Variants in LARP4 observed in about 807,000 individuals in gnomAD.
The protein encoded by LARP4 is La ribonucleoprotein 4, also known as la-related protein 4.
LARP4 carries 29 observed loss-of-function variants against 92.9 expected under a neutral mutation model. That is an observed-to-expected ratio of 0.31 (90% confidence interval 0.23 to 0.43). LARP4 has a LOEUF of 0.43. Ranked by LOEUF, LARP4 falls within the 20% of genes least tolerant of loss-of-function variation. The probability of loss-of-function intolerance (pLI) is 1.00; values close to 1 mark genes in which losing one functional copy is unlikely to be tolerated. For synonymous variants in LARP4, 279 were observed against 284.1 expected (o/e 0.98, Z 0.18); for missense variants, 732 against 860.0 (o/e 0.85, Z 1.86).
At chr12:50,434,680 T>C (rs1007650206) in intron 4 of LARP4, among the ~76,000 whole-genome samples, 3 of 151,854 alleles carry the variant, frequency 2.0e-5, no homozygotes, top group Non-Finnish European at 4.4e-5. Context: ...GTGCTAGGAT[T>C]ACAGGCATGA....
chr12:50,403,782 A>G (rs1944302063), intron 1 of LARP4, among the ~76,000 whole-genome samples: 1 of 152,214 alleles, frequency 6.6e-6, no homozygotes, highest in Non-Finnish European at 1.5e-5. Context: ...TCAGTAGGAT[A>G]GATAATAGCA....
chr12:50,462,903 G>A (rs1449814006), intron 12 of LARP4, among the ~76,000 whole-genome samples: 1 of 152,010 alleles, frequency 6.6e-6, no homozygotes, highest in Non-Finnish European at 1.5e-5. Context: ...ATAAAAACAC[G>A]AAGTCTTTCT....
intron 1 of LARP4, among the ~76,000 whole-genome samples, chr12:50,411,131 A>C (rs1179958606): frequency 6.6e-6 from 1 of 151,086 alleles, no homozygotes; most frequent in Non-Finnish European, 1.5e-5. Context: ...TACAGTAGAA[A>C]CTCTACCCCT....
At chr12:50,473,068 C>T (rs2139153344) in intron 13 of LARP4, among the ~76,000 whole-genome samples, 1 of 152,306 alleles carries the variant, frequency 6.6e-6, no homozygotes, top group Admixed American at 6.5e-5. Flanking sequence ...GATCCACCCG[C>T]CTCAGCCTCC....
rs1957511125 is a variant in LARP4, at chr12:50,476,075, A to T, written c.*211A>T. The stretch of plus-strand genomic sequence containing the variant: ...ATGCTGGAGGATTCCAATCAATATA[A>T]ATATATATATATATATACACACACA... On this transcript the variant is annotated 3_prime_UTR_variant, in exon 16 of 16. Coordinates refer to ENST00000398473, the MANE Select transcript of LARP4 (RefSeq NM_052879.5). 5 of 288,018 alleles carry T rather than the reference A, an allele frequency of 1.7e-5. No individual in the cohort carries two copies. The highest frequency in any genetic ancestry group is 2.2e-5 in the African/African-American group (1 of 45,634). 17.8% of individuals were successfully genotyped at this position (288,018 alleles called of 1,614,324 possible). A position where few individuals can be genotyped will look rare whatever the true frequency, so the allele number is the denominator to read the frequency against.
chr12:50,454,087 C>T (rs1168122609), intron 9 of LARP4, among the ~76,000 whole-genome samples: 1 of 152,122 alleles, frequency 6.6e-6, no homozygotes, highest in Non-Finnish European at 1.5e-5. Context: ...ATTTTAAATG[C>T]ATTTTAGTGT....
At position 50,477,295 on chromosome 12, in the gene LARP4, C is replaced by T. The variant is rs149429379; in HGVS notation, c.*1431C>T. 11 of 152,396 alleles carry T rather than the reference C, an allele frequency of 7.2e-5. No homozygotes were observed. Among genetic ancestry groups the T allele is most frequent in the East Asian group, 3.9e-4 (2 of 5,188 alleles). The allele number at this position is 152,396 out of a possible 1,614,324, so 9.4% of individuals were successfully genotyped here. Reference sequence around the variant, plus strand: ...AGAAAATGACTAAAATATTAAAAACCGTGTTGTGTTAATCTGTTTTAAGTC... The same window carrying T: ...AGAAAATGACTAAAATATTAAAAACTGTGTTGTGTTAATCTGTTTTAAGTC... On this transcript the variant is annotated 3_prime_UTR_variant, in exon 16 of 16. Coordinates refer to ENST00000398473, the MANE Select transcript of LARP4 (RefSeq NM_052879.5).
At chr12:50,457,152 T>A (rs1283963351) in intron 10 of LARP4, among the ~76,000 whole-genome samples, 1 of 151,678 alleles carries the variant, frequency 6.6e-6, no homozygotes, top group South Asian at 2.1e-4. Flanking sequence ...TCCACCCAGC[T>A]TGGCCTCCCA....
At chr12:50,434,696 C>T (rs1245429871) in intron 4 of LARP4, among the ~76,000 whole-genome samples, 6 of 151,720 alleles carry the variant, frequency 4.0e-5, no homozygotes, top group East Asian at 3.9e-4. Context: ...CATGAGCCAC[C>T]GCACCCAGCC....
At chr12:50,408,044 A>G (rs1002299671) in intron 1 of LARP4, among the ~76,000 whole-genome samples, 5 of 152,160 alleles carry the variant, frequency 3.3e-5, no homozygotes, top group Non-Finnish European at 7.3e-5. Context: ...GACGGGCTCT[A>G]AACCAAAGAC....
intron 1 of LARP4, among the ~76,000 whole-genome samples, chr12:50,422,662 G>A (rs889606249): frequency 4.0e-5 from 6 of 151,396 alleles, no homozygotes; most frequent in Non-Finnish European, 8.8e-5. Context: ...GTTTAAACAG[G>A]GTTATTTGCA....
intron 1 of LARP4, among the ~76,000 whole-genome samples, chr12:50,416,137 G>T (rs1183901797): frequency 6.6e-6 from 1 of 152,200 alleles, no homozygotes; most frequent in African/African-American, 2.4e-5. Context: ...TGGCAGCAGG[G>T]TTGGTCAGCT....
In LARP4 at chr12:50,476,775, C is replaced by T. The variant is rs758676615; in HGVS notation, c.*911C>T. 2 of 152,528 alleles carry T rather than the reference C, an allele frequency of 1.3e-5. No individual in the cohort carries two copies. The highest frequency in any genetic ancestry group is 2.9e-5 in the Non-Finnish European group (2 of 68,018). The allele number at this position is 152,528 out of a possible 1,614,324, so 9.4% of individuals were successfully genotyped here. ...CTTTGACTGCCCACCCACAGAAAAG[C>T]AAAATAACCAACTACCTACTCAATT... On this transcript the variant is annotated 3_prime_UTR_variant, in exon 16 of 16. Coordinates refer to ENST00000398473, the MANE Select transcript of LARP4 (RefSeq NM_052879.5).
intron 8 of LARP4, among the ~76,000 whole-genome samples, chr12:50,446,950 A>G (rs1368373345): frequency 6.6e-6 from 1 of 152,150 alleles, no homozygotes; most frequent in Non-Finnish European, 1.5e-5. Context: ...TTCCTGGCCT[A>G]TGGCTGTAAG....
chr12:50,423,336 C>T (rs895531685), intron 1 of LARP4, among the ~76,000 whole-genome samples: 40 of 152,134 alleles, frequency 2.6e-4, no homozygotes, highest in African/African-American at 7.5e-4. Flanking sequence ...CATTTAACTT[C>T]ACTTACACAG....
Position 50,401,017 on chromosome 12 carries a change from C to T in LARP4, c.7C>T (p.Leu3Phe). 6.2e-7 allele frequency: 1 copy of T among 1,614,148 alleles called. No homozygotes were observed. The highest frequency in any genetic ancestry group is 8.5e-7 in the Non-Finnish European group (1 of 1,180,018). ML[L>F]FVEQVASKGT... ...GGGCTGAGCAGAGGACGACATGTTG[C>T]TTTTCGTGGAGGTGAGTGCATTATG... Residue 3 changes from leucine to phenylalanine, a missense_variant, in exon 1 of 16, where the codon CTT (leucine) becomes TTT (phenylalanine). Leu to Phe is a conservative substitution (Grantham distance 22). This residue lies in a region of LARP4 where 236 missense variants were observed against 307.6 expected (regional missense o/e 0.77). Transcript: ENST00000398473.
In LARP4 at chr12:50,401,010, C is replaced by A; in HGVS notation, c.-1C>A. On this transcript the variant is annotated 5_prime_UTR_variant, in exon 1 of 16. Coordinates refer to ENST00000398473, the MANE Select transcript of LARP4 (RefSeq NM_052879.5). ...AACGATTGGGCTGAGCAGAGGACGA[C>A]ATGTTGCTTTTCGTGGAGGTGAGTG... 1 of 1,614,142 alleles carries A rather than the reference C, an allele frequency of 6.2e-7. No homozygotes were observed. The highest frequency in any genetic ancestry group is 8.5e-7 in the Non-Finnish European group (1 of 1,180,020).
At chr12:50,421,171 G>A (rs980498429) in intron 1 of LARP4, 44 of 345,322 alleles carry the variant, frequency 1.3e-4, no homozygotes, top group Non-Finnish European at 1.7e-4. Flanking sequence ...GGCTGGTCTC[G>A]AACTCCTGAC....
intron 1 of LARP4, chr12:50,421,280 T>G: frequency 1.0e-6 from 1 of 985,094 alleles, no homozygotes. Context: ...TGCTCTGGTT[T>G]GAAAAAATCA....
Sources: allele counts gnomAD v4.1 joint callset (sites outside exome capture counted in the v4.1 genomes callset), GRCh38; gene constraint gnomAD v4.1.1; regional missense constraint gnomAD v4.1.1; transcripts MANE v1.5; gene names NCBI Gene and HGNC (gene_info 2026-07-23, HGNC 2026-07-21).